Variants in RAP1A observed in about 807,000 individuals in gnomAD.
RAP1A encodes the protein RAP1A, member of RAS oncogene family, also known as ras-related protein Rap-1A.
Under a neutral mutation model 26.4 loss-of-function variants are expected in RAP1A, and 6 were observed. That is an observed-to-expected ratio of 0.23 (90% CI 0.12 to 0.45). The LOEUF (loss-of-function observed/expected upper bound fraction) is 0.45. RAP1A is among the 20% of genes least tolerant of loss of function. The pLI is 0.99. For synonymous variants in RAP1A, 73 were observed against 79.4 expected (o/e 0.92, Z 0.43); for missense variants, 121 against 217.2 (o/e 0.56, Z 2.78).
At chr1:111,587,607 C>T (rs1571485064) in intron 1 of RAP1A, among the ~76,000 whole-genome samples, 1 of 152,138 alleles carries the variant, frequency 6.6e-6, no homozygotes. Flanking sequence ...AAACAACTTC[C>T]ACTCGCCCAC....
At chr1:111,577,224 A>G (rs2101058471) in intron 1 of RAP1A, among the ~76,000 whole-genome samples, 1 of 151,944 alleles carries the variant, frequency 6.6e-6, no homozygotes, top group East Asian at 1.9e-4. Context: ...TCAACATGGC[A>G]AAACCCTGTC....
intron 1 of RAP1A, among the ~76,000 whole-genome samples, chr1:111,588,512 C>T (rs1658420772): frequency 6.6e-6 from 1 of 152,114 alleles, no homozygotes; most frequent in South Asian, 2.1e-4. Context: ...CATGATACGC[C>T]CCTGCCCACA....
intron 1 of RAP1A, among the ~76,000 whole-genome samples, chr1:111,593,091 G>A (rs2800882): frequency 1.3e-5 from 2 of 152,120 alleles, no homozygotes; most frequent in Non-Finnish European, 2.9e-5. Context: ...TGGAGGGGGC[G>A]GGGAGCCGGG....
chr1:111,613,515 A>G (rs1406725944), intron 1 of RAP1A, among the ~76,000 whole-genome samples: 3 of 152,166 alleles, frequency 2.0e-5, no homozygotes, highest in Non-Finnish European at 4.4e-5. Context: ...TTCATTTCAA[A>G]GGCATGAAGT....
chr1:111,577,906 G>A (rs1658177839), intron 1 of RAP1A, among the ~76,000 whole-genome samples: 2 of 152,130 alleles, frequency 1.3e-5, no homozygotes, highest in Admixed American at 6.5e-5. Flanking sequence ...CTCTGTTAGA[G>A]AATATTTAAT....
intron 1 of RAP1A, among the ~76,000 whole-genome samples, chr1:111,639,738 A>G (rs1003903563): frequency 2.8e-4 from 43 of 152,210 alleles, no homozygotes; most frequent in African/African-American, 5.3e-4. Context: ...GTACCCAGGC[A>G]TTTCAGACAG....
rs1284074792 is a variant in RAP1A, at chr1:111,610,543, C to CAT, written c.-28+68035_-28+68036insTA. 8.4e-5 allele frequency among the ~76,000 whole-genome samples: 5 copies of CAT among 59,412 alleles called. No individual in the cohort carries two copies. The East Asian group carries it at 2.1e-3, about 25-fold the overall frequency. The allele number at this position is 59,412 out of a possible 152,430, so 39.0% of individuals were successfully genotyped here. On this transcript the variant is annotated intron_variant, in intron 1 of 7. Transcript: ENST00000356415. Reference sequence around the variant, plus strand: ...TACTTCCCTCCACCCAACACACACACACACACACACACACACACACACACA... The same window carrying CAT: ...TACTTCCCTCCACCCAACACACACACATACACACACACACACACACACACACA...
At chr1:111,638,321 CTTTG>C (rs1659784619) in intron 1 of RAP1A, among the ~76,000 whole-genome samples, 2 of 152,000 alleles carry the variant, frequency 1.3e-5, no homozygotes, top group Admixed American at 1.3e-4. Context: ...TTGCGTATGT[CTTTG>C]TTTTTTATTT....
intron 1 of RAP1A, among the ~76,000 whole-genome samples, chr1:111,675,155 C>T (rs966320011): frequency 6.6e-6 from 1 of 152,112 alleles, no homozygotes; most frequent in African/African-American, 2.4e-5. Context: ...CAGTTTTTTG[C>T]TTAGCTCTTC....
At chr1:111,644,756 T>G (rs1325593861) in intron 1 of RAP1A, among the ~76,000 whole-genome samples, 1 of 152,200 alleles carries the variant, frequency 6.6e-6, no homozygotes, top group Non-Finnish European at 1.5e-5. Flanking sequence ...TTGGGCCTTA[T>G]TCTCTAGAAT....
At position 111,709,741 on chromosome 1, in the gene RAP1A, T is replaced by C. The variant is rs934456052; in HGVS notation, c.*29+477T>C. On this transcript the variant is annotated intron_variant, in intron 7 of 7. Coordinates refer to ENST00000369709, the MANE Select transcript of RAP1A (RefSeq NM_002884.4). The stretch of plus-strand genomic sequence containing the variant: ...ACTCCATGGATTAGTTTTGCCTCTC[T>C]TTGAACTTTACATAAACAAAAACGT... 1.2e-3 allele frequency among the ~76,000 whole-genome samples: 182 copies of C among 152,250 alleles called. 2 individuals are homozygous for C. Among genetic ancestry groups the C allele is most frequent in the Non-Finnish European group, 7.3e-5 (5 of 68,044 alleles).
chr1:111,572,464 T>C (rs929961805), intron 1 of RAP1A, among the ~76,000 whole-genome samples: 6 of 152,234 alleles, frequency 3.9e-5, no homozygotes, highest in Non-Finnish European at 7.3e-5. Context: ...GAATGGACAA[T>C]GCTTGAGATG....
chr1:111,621,139 A>G (rs116319821), intron 1 of RAP1A, among the ~76,000 whole-genome samples: 5,299 of 152,318 alleles, frequency 0.035, 145 homozygotes, highest in Non-Finnish European at 0.051. Context: ...TTTTGATTAC[A>G]GTAAGAATAA....
intron 1 of RAP1A, among the ~76,000 whole-genome samples, chr1:111,554,146 T>C (rs1266800060): frequency 2.0e-5 from 3 of 152,230 alleles, no homozygotes; most frequent in African/African-American, 4.8e-5. Context: ...AGTTTCTCCA[T>C]CTTTAAAATA....
intron 1 of RAP1A, among the ~76,000 whole-genome samples, chr1:111,592,282 T>C (rs1336796499): frequency 2.0e-5 from 3 of 152,292 alleles, no homozygotes; most frequent in South Asian, 2.1e-4. Context: ...TTCTAAACAA[T>C]AACATTCTGA....
intron 1 of RAP1A, among the ~76,000 whole-genome samples, chr1:111,547,858 A>AACTCTCTTAAAAC (rs1553206548): frequency 6.6e-6 from 1 of 152,212 alleles, no homozygotes; most frequent in Non-Finnish European, 1.5e-5. Flanking sequence ...AGCTTTGTCT[A>AACTCTCTTAAAAC]ACTCTCTTAA....
In RAP1A at chr1:111,545,995, G is replaced by A. The variant is rs559514061; in HGVS notation, c.-28+3486G>A. Among the ~76,000 whole-genome samples, 3 of 152,202 alleles carry A rather than the reference G, an allele frequency of 2.0e-5. No homozygotes were observed. In the South Asian group the frequency reaches 6.2e-4, roughly 32 times the overall value. On this transcript the variant is annotated intron_variant, in intron 1 of 7. Transcript: ENST00000356415. Reference sequence around the variant, plus strand: ...TTAGTCTATATGTCTAGCCTTATGCGAGTACCATACCCTTTAGAATACTGT... The same window carrying A: ...TTAGTCTATATGTCTAGCCTTATGCAAGTACCATACCCTTTAGAATACTGT...
intron 1 of RAP1A, among the ~76,000 whole-genome samples, chr1:111,647,474 G>T (rs1660107189): frequency 6.6e-6 from 1 of 152,162 alleles, no homozygotes. Context: ...TCCAGTCTGT[G>T]AAAAAATTGT....
intron 1 of RAP1A, among the ~76,000 whole-genome samples, chr1:111,603,269 G>A (rs914971665): frequency 2.6e-5 from 4 of 152,214 alleles, no homozygotes; most frequent in Non-Finnish European, 4.4e-5. Flanking sequence ...GAACGCCACC[G>A]ATCTGGTCCT....
Sources: allele counts gnomAD v4.1 joint callset (sites outside exome capture counted in the v4.1 genomes callset), GRCh38; gene constraint gnomAD v4.1.1; transcripts MANE v1.5; gene names NCBI Gene and HGNC (gene_info 2026-07-23, HGNC 2026-07-21).